MTMR3: variants seen among roughly 807,000 people sequenced by gnomAD.
MTMR3 encodes the protein phosphatidylinositol-3,5-bisphosphate 3-phosphatase MTMR3.
MTMR3 carries 32 observed loss-of-function variants against 132.4 expected under a neutral mutation model. That is an observed-to-expected ratio of 0.24 (90% CI 0.18 to 0.32). MTMR3 has a LOEUF of 0.32. Among genes scored for constraint, MTMR3 ranks in the 10% least tolerant of loss-of-function variants. The pLI is 1.00. For synonymous variants in MTMR3, 556 were observed against 550.3 expected (o/e 1.01, Z -0.14); for missense variants, 1,216 against 1,489.6 (o/e 0.82, Z 3.02).
At chr22:30,007,014 C>A (rs761163423) in intron 9 of MTMR3, 100 bp from the exon 10 acceptor site, 4 of 1,252,066 alleles carry the variant, frequency 3.2e-6, no homozygotes, top group Non-Finnish European at 4.5e-6. Flanking sequence ...CCAACACTTA[C>A]CTAGAATTAG....
At chr22:29,997,873 G>T (rs2067093876) in intron 7 of MTMR3, 1 of 152,178 alleles carries the variant, frequency 6.6e-6, no homozygotes, top group South Asian at 2.1e-4. Context: ...TTTCACGAAA[G>T]AAATATTAAT....
intron 19 of MTMR3, chr22:30,023,416 T>C: frequency 6.2e-7 from 1 of 1,612,974 alleles, no homozygotes; most frequent in Non-Finnish European, 8.5e-7. Context: ...CAGATATCTT[T>C]GGTTGGCTTC....
At chr22:29,925,233 A>G (rs1237613555) in intron 1 of MTMR3, among the ~76,000 whole-genome samples, 6 of 152,076 alleles carry the variant, frequency 3.9e-5, no homozygotes, top group Admixed American at 1.3e-4. Context: ...GAGTCTGACT[A>G]TGTTAGTCAG....
intron 2 of MTMR3, among the ~76,000 whole-genome samples, chr22:29,966,803 G>A (rs2066429917): frequency 6.6e-6 from 1 of 150,514 alleles, no homozygotes; most frequent in Non-Finnish European, 1.5e-5. Flanking sequence ...GAGAGAGAAT[G>A]TTTCTTTATG....
chr22:29,966,547 A>G (rs1250489540), intron 2 of MTMR3, among the ~76,000 whole-genome samples: 1 of 152,168 alleles, frequency 6.6e-6, no homozygotes, highest in Non-Finnish European at 1.5e-5. Context: ...TAGTATTATC[A>G]AATTCTTTTC....
intron 1 of MTMR3, among the ~76,000 whole-genome samples, chr22:29,905,381 T>C (rs1296323126): frequency 6.6e-6 from 1 of 152,226 alleles, no homozygotes; most frequent in Non-Finnish European, 1.5e-5. Context: ...GAAGGACAAC[T>C]GTGTAAATAA....
intron 7 of MTMR3, chr22:29,994,816 C>T (rs925512121): frequency 5.9e-5 from 9 of 152,204 alleles, no homozygotes; most frequent in Admixed American, 1.3e-4. Context: ...GTACTGTGGT[C>T]ACAGCTCTAA....
chr22:29,979,346 G>C (rs571995890), intron 5 of MTMR3: 71 of 243,880 alleles, frequency 2.9e-4, no homozygotes, highest in Non-Finnish European at 5.2e-4. Flanking sequence ...CAAAAAATTA[G>C]CCGGGCGTGG....
intron 5 of MTMR3, chr22:29,980,721 G>A (rs1447586127): frequency 1.3e-5 from 2 of 152,152 alleles, no homozygotes; most frequent in Non-Finnish European, 2.9e-5. Flanking sequence ...GTGTTTCAGA[G>A]ACTATTTTAG....
At position 30,016,810 on chromosome 22, in the gene MTMR3, C is replaced by G. The variant is rs1328360757; in HGVS notation, c.1674+112C>G. ...TTTTGTGAAGACATCTCTACTGTCT[C>G]TGGATGGACTGGTTCCATTTTTCCC... On this transcript the variant is annotated intron_variant, in intron 15 of 19. Transcript: ENST00000401950. 25 of 1,209,038 alleles carry G rather than the reference C, an allele frequency of 2.1e-5. No individual in the cohort carries two copies. In the Admixed American group the frequency reaches 3.7e-4, roughly 18 times the overall value. The allele number at this position is 1,209,038 out of a possible 1,614,324, so 74.9% of individuals were successfully genotyped here.
chr22:29,897,218 A>G (rs1274626681), intron 1 of MTMR3, among the ~76,000 whole-genome samples: 1 of 151,840 alleles, frequency 6.6e-6, no homozygotes, highest in Non-Finnish European at 1.5e-5. Flanking sequence ...CTGGGACTAC[A>G]GGTGCACGCC....
chr22:30,019,149 A>G (rs1569053285), intron 16 of MTMR3: 1 of 198,294 alleles, frequency 5.0e-6, no homozygotes, highest in East Asian at 1.2e-4. Flanking sequence ...GGTTGCAGTG[A>G]GCTGAGATCC....
At chr22:29,948,146 G>A (rs2145825507) in intron 1 of MTMR3, among the ~76,000 whole-genome samples, 1 of 152,292 alleles carries the variant, frequency 6.6e-6, no homozygotes, top group Admixed American at 6.5e-5. Flanking sequence ...GTCTTTGAAT[G>A]TACCTCTTGG....
chr22:30,019,005 AC>A (rs1449416137), intron 16 of MTMR3: 1 of 154,138 alleles, frequency 6.5e-6, no homozygotes, highest in African/African-American at 2.4e-5. Context: ...GGAGTTCAAG[AC>A]CAGCCTGAAC....
At chr22:29,935,423 G>A (rs1472451565) in intron 1 of MTMR3, among the ~76,000 whole-genome samples, 1 of 152,196 alleles carries the variant, frequency 6.6e-6, no homozygotes, top group Non-Finnish European at 1.5e-5. Context: ...TTAAAGCTGT[G>A]TAAGAATGTG....
intron 1 of MTMR3, among the ~76,000 whole-genome samples, chr22:29,885,950 C>T (rs2064668764): frequency 6.6e-6 from 1 of 152,088 alleles, no homozygotes; most frequent in Non-Finnish European, 1.5e-5. Flanking sequence ...TAGTGAAGGG[C>T]TTTGGTAAAT....
At chr22:29,964,646 A>G (rs994232195) in intron 2 of MTMR3, among the ~76,000 whole-genome samples, 3 of 152,132 alleles carry the variant, frequency 2.0e-5, no homozygotes, top group African/African-American at 7.2e-5. Context: ...TATCTTTCAC[A>G]TACTTAGGCT....
At position 30,019,508 on chromosome 22, in the gene MTMR3, C is replaced by T; in HGVS notation, c.1849C>T (p.Leu617=). The stretch of plus-strand genomic sequence containing the variant: ...ACCAAAGACTAGATCATACGACAAT[C>T]TGACCACAGCCTGTGACAACACAGT... ...RLPKTRSYDN[L]TTACDNTVPL... Residue 617 remains leucine, a synonymous_variant, in exon 17 of 20, where the codon CTG becomes TTG. Coordinates refer to ENST00000401950, the MANE Select transcript of MTMR3 (RefSeq NM_021090.4). 1 of 1,608,570 alleles carries T rather than the reference C, an allele frequency of 6.2e-7. No individual in the cohort carries two copies. Among genetic ancestry groups the T allele is most frequent in the Non-Finnish European group, 8.5e-7 (1 of 1,179,810 alleles).
intron 8 of MTMR3, chr22:30,000,553 C>T (rs1390916923): frequency 1.3e-5 from 2 of 152,172 alleles, no homozygotes; most frequent in African/African-American, 4.8e-5. Flanking sequence ...TTAGCTGTCT[C>T]AAATTATGAC....
Sources: gnomAD v4.1 joint callset for allele counts (sites outside exome capture counted in the v4.1 genomes callset) on GRCh38, gnomAD v4.1.1 for gene constraint, MANE v1.5 for transcripts, NCBI Gene and HGNC (gene_info 2026-07-23, HGNC 2026-07-21) for gene names.